CSMD3: variants seen among roughly 807,000 people sequenced by gnomAD.
The protein encoded by CSMD3 is CUB and Sushi multiple domains 3.
A neutral mutation model predicts 435.2 loss-of-function variants in CSMD3; 177 were observed. The observed-to-expected ratio is 0.41, with a 90% confidence interval of 0.36 to 0.46. The LOEUF (loss-of-function observed/expected upper bound fraction) is 0.46. Among genes scored for constraint, CSMD3 ranks in the 20% least tolerant of loss-of-function variants. The pLI, the probability that CSMD3 is intolerant of heterozygous loss-of-function variation, is 0.34. For missense variants in CSMD3, 4,265 were observed against 4,504.6 expected (o/e 0.95, Z 1.52); for synonymous variants, 1,656 against 1,520.5 (o/e 1.09, Z -2.07).
chr8:112,311,188 T>C (rs1343282688), intron 49 of CSMD3, 22 bp from the exon 50 acceptor site: 2 of 1,563,492 alleles, frequency 1.3e-6, no homozygotes, highest in East Asian at 4.5e-5. Flanking sequence ...AAAAAAAAAA[T>C]GCTGTTTAAT....
At chr8:112,776,308 T>A (rs746834219) in intron 13 of CSMD3, among the ~76,000 whole-genome samples, 1 of 151,812 alleles carries the variant, frequency 6.6e-6, no homozygotes, top group African/African-American at 2.4e-5. Flanking sequence ...CATTATTGAA[T>A]CATATTTCTC....
chr8:113,000,062 C>A (rs1253572000), intron 6 of CSMD3, among the ~76,000 whole-genome samples: 7 of 151,734 alleles, frequency 4.6e-5, no homozygotes, highest in African/African-American at 1.7e-4. Flanking sequence ...AGGGGATGAC[C>A]CAGAACTTTA....
rs546321749 is a variant in CSMD3 at position 112,302,846 on chromosome 8, T to A, written c.8267-880A>T. 2.0e-5 allele frequency among the ~76,000 whole-genome samples: 3 copies of A among 151,302 alleles called. No individual in the cohort carries two copies. The South Asian group carries it at 6.2e-4, about 31-fold the overall frequency. On this transcript the variant is annotated intron_variant, in intron 52 of 70. Transcript: ENST00000297405. ...AAATCATTTGAGGTCGCTATTAATA[T>A]TATTGATATACTAATATTATTATTA...
intron 13 of CSMD3, among the ~76,000 whole-genome samples, chr8:112,750,533 G>A (rs530956851): frequency 9.7e-4 from 147 of 152,116 alleles, no homozygotes; most frequent in Non-Finnish European, 1.7e-3. Flanking sequence ...CTTTGTATAT[G>A]ATAGTAAAAT....
At chr8:113,310,086 G>A (rs754644382) in intron 2 of CSMD3, 1 of 152,152 alleles carries the variant, frequency 6.6e-6, no homozygotes, top group Non-Finnish European at 1.5e-5. Context: ...TAGCAATGAG[G>A]AGACCAGAGT....
chr8:113,177,863 T>C (rs1256922324), intron 3 of CSMD3, among the ~76,000 whole-genome samples: 2 of 152,042 alleles, frequency 1.3e-5, no homozygotes, highest in African/African-American at 2.4e-5. Flanking sequence ...CAACATAGAC[T>C]ATTCTAAAGT....
At chr8:112,624,724 C>T (rs992011785) in intron 22 of CSMD3, among the ~76,000 whole-genome samples, 1 of 151,946 alleles carries the variant, frequency 6.6e-6, no homozygotes, top group African/African-American at 2.4e-5. Context: ...TATGTACATG[C>T]TGAACACTCA....
At chr8:112,438,958 T>C (rs1008204771) in intron 32 of CSMD3, among the ~76,000 whole-genome samples, 2 of 152,186 alleles carry the variant, frequency 1.3e-5, no homozygotes, top group African/African-American at 4.8e-5. Flanking sequence ...TTTTAGCCCT[T>C]AGTCATTGTC....
At chr8:112,523,100 G>A (rs941743895) in intron 27 of CSMD3, among the ~76,000 whole-genome samples, 7 of 151,754 alleles carry the variant, frequency 4.6e-5, no homozygotes, top group Admixed American at 2.0e-4. Context: ...TCAGAAAATC[G>A]ACTTTTTGGT....
intron 38 of CSMD3, among the ~76,000 whole-genome samples, chr8:112,376,062 A>G (rs781514790): frequency 6.6e-6 from 1 of 152,084 alleles, no homozygotes; most frequent in Non-Finnish European, 1.5e-5. Flanking sequence ...TAAAACTCCT[A>G]CTTATATTTT....
At chr8:113,210,386 C>T (rs1468300921) in intron 3 of CSMD3, among the ~76,000 whole-genome samples, 1 of 151,986 alleles carries the variant, frequency 6.6e-6, no homozygotes, top group Non-Finnish European at 1.5e-5. Flanking sequence ...TAATAATTCT[C>T]TTCACAAACT....
intron 37 of CSMD3, 134 bp from the exon 38 acceptor site, chr8:112,380,590 TAATAGA>T: frequency 1.6e-6 from 1 of 629,782 alleles, no homozygotes. Flanking sequence ...AAAAAAAATT[TAATAGA>T]AATATTTTTC....
intron 5 of CSMD3, among the ~76,000 whole-genome samples, chr8:113,096,327 A>T (rs549530909): frequency 6.6e-6 from 1 of 152,240 alleles, no homozygotes; most frequent in African/African-American, 2.4e-5. Context: ...ATAATCTGGG[A>T]TCTGTATTAG....
intron 9 of CSMD3, among the ~76,000 whole-genome samples, chr8:112,926,527 T>C (rs2082917120): frequency 6.6e-6 from 1 of 151,870 alleles, no homozygotes; most frequent in Non-Finnish European, 1.5e-5. Context: ...AAAACTAGAG[T>C]TGACCTTCTC....
chr8:112,540,790 C>G (rs1158991918), intron 27 of CSMD3, among the ~76,000 whole-genome samples: 2 of 151,714 alleles, frequency 1.3e-5, no homozygotes, highest in Admixed American at 1.3e-4. Context: ...TTGCAGCATT[C>G]CAATGGGATG....
intron 22 of CSMD3, among the ~76,000 whole-genome samples, chr8:112,606,343 T>A (rs1052712057): frequency 6.6e-6 from 1 of 152,068 alleles, no homozygotes; most frequent in Non-Finnish European, 1.5e-5. Flanking sequence ...TCACCTAGAA[T>A]CCTGAAGTGG....
chr8:112,691,346 T>C (rs2076133497), intron 13 of CSMD3, among the ~76,000 whole-genome samples: 1 of 152,134 alleles, frequency 6.6e-6, no homozygotes, highest in South Asian at 2.1e-4. Flanking sequence ...AGTTTTAATA[T>C]CAAGGGAAGA....
chr8:113,278,424 C>T (rs949480632), intron 3 of CSMD3, among the ~76,000 whole-genome samples, 168 bp downstream of exon 3: 1 of 150,636 alleles, frequency 6.6e-6, no homozygotes, highest in East Asian at 1.9e-4. Context: ...TTAAAACCCA[C>T]TAAGTATAGC....
At chr8:112,329,036 G>T (rs2130913822) in intron 45 of CSMD3, among the ~76,000 whole-genome samples, 1 of 152,284 alleles carries the variant, frequency 6.6e-6, no homozygotes, top group African/African-American at 2.4e-5. Flanking sequence ...TGGGATATCT[G>T]CTGCATTATT....
Sources: allele counts gnomAD v4.1 joint callset (sites outside exome capture counted in the v4.1 genomes callset), GRCh38; gene constraint gnomAD v4.1.1; transcripts MANE v1.5; gene names NCBI Gene and HGNC (gene_info 2026-07-23, HGNC 2026-07-21).